The following P2RY14 variants were observed in gnomAD, a reference collection of about 807,000 sequenced individuals.
The protein encoded by P2RY14 is purinergic receptor P2Y14, also known as P2Y purinoceptor 14.
Under a neutral mutation model 0.9 loss-of-function variants are expected in P2RY14, and 2 were observed. That is an observed-to-expected ratio of 2.16 (90% CI 0.88 to 6.79). The LOEUF (loss-of-function observed/expected upper bound fraction) is 6.79, where lower values mean the gene tolerates loss of function less well. P2RY14 is among the 30% of genes most tolerant of loss of function. The probability of loss-of-function intolerance (pLI) is 0.05; values close to 1 mark genes in which losing one functional copy is unlikely to be tolerated. For missense variants in P2RY14, 378 were observed against 400.1 expected, an observed-to-expected ratio of 0.94 and a Z score of 0.47; for synonymous variants, 158 against 147.2, an observed-to-expected ratio of 1.07 and a Z score of -0.53.
intron 1 of P2RY14, among the ~76,000 whole-genome samples, chr3:151,224,725 C>T (rs1445265165): frequency 6.6e-6 from 1 of 152,202 alleles, no homozygotes; most frequent in African/African-American, 2.4e-5. Context: ...ACTCACCACA[C>T]TTCTCAGAAG....
At chr3:151,216,402 C>G (rs1728225469) in intron 2 of P2RY14, among the ~76,000 whole-genome samples, 1 of 152,116 alleles carries the variant, frequency 6.6e-6, no homozygotes, top group Non-Finnish European at 1.5e-5. Flanking sequence ...TTAAGCATGA[C>G]AAAGGGATAT....
Position 151,213,522 on chromosome 3 carries a change from G to T in P2RY14, c.795C>A (p.Tyr265Ter), listed in dbSNP as rs755518330. Residue 265 changes from tyrosine (Y) to a stop codon, truncating the protein, a stop_gained, in exon 3 of 3, where the codon TAC becomes TAA. Coordinates refer to ENST00000309170, the MANE Select transcript of P2RY14 (RefSeq NM_014879.4). LOFTEE classifies it high-confidence loss of function. ...GCAAGATTTCTTTTGACTGGCAGCTGTAATGAGCTTCGGTCTGACTCTTTG... is the reference window on the plus strand; with the variant it reads ...GCAAGATTTCTTTTGACTGGCAGCTTTAATGAGCTTCGGTCTGACTCTTTG... ...PYTKSQTEAH[Y>*]SCQSKEILRY... The T allele has an allele frequency of 2.5e-6, 4 of 1,614,146 alleles. No homozygotes were observed. The highest frequency in any genetic ancestry group is 2.5e-6 in the Non-Finnish European group (3 of 1,179,996).
At chr3:151,278,131 ATAGT>A (rs1028394701) in intron 1 of P2RY14, among the ~76,000 whole-genome samples, 152 bp downstream of exon 1, 1 of 152,228 alleles carries the variant, frequency 6.6e-6, no homozygotes, top group African/African-American at 2.4e-5. Context: ...TATACCAATT[ATAGT>A]TGTCAAACAA....
At chr3:151,247,568 CACA>C (rs1735859824) in intron 1 of P2RY14, among the ~76,000 whole-genome samples, 1 of 140,950 alleles carries the variant, frequency 7.1e-6, no homozygotes, top group Non-Finnish European at 1.5e-5. Context: ...ACAATGAGAT[CACA>C]TGGACACAGG....
At chr3:151,230,273 C>T (rs1037537874) in intron 1 of P2RY14, among the ~76,000 whole-genome samples, 3 of 152,322 alleles carry the variant, frequency 2.0e-5, no homozygotes, top group South Asian at 2.1e-4. Flanking sequence ...CGCACCCGGC[C>T]GGGATCTGTT....
At chr3:151,215,529 T>G (rs1209943710) in intron 2 of P2RY14, among the ~76,000 whole-genome samples, 2 of 152,258 alleles carry the variant, frequency 1.3e-5, no homozygotes, top group Non-Finnish European at 2.9e-5. Context: ...TTTCACATTA[T>G]GGTTTTATTG....
intron 1 of P2RY14, among the ~76,000 whole-genome samples, chr3:151,238,707 T>C (rs1733431018): frequency 6.6e-6 from 1 of 152,144 alleles, no homozygotes; most frequent in South Asian, 2.1e-4. Flanking sequence ...AAAAGAAAAA[T>C]CAGTTTTACC....
At chr3:151,224,577 C>T (rs1285929214) in intron 1 of P2RY14, among the ~76,000 whole-genome samples, 1 of 151,908 alleles carries the variant, frequency 6.6e-6, no homozygotes, top group African/African-American at 2.4e-5. Flanking sequence ...CATCTGTGTT[C>T]TGCATTCCTG....
chr3:151,263,713 A>G (rs1739314851), intron 1 of P2RY14, among the ~76,000 whole-genome samples: 1 of 152,148 alleles, frequency 6.6e-6, no homozygotes, highest in African/African-American at 2.4e-5. Flanking sequence ...AATGTAATAT[A>G]GAGATTAAGA....
chr3:151,277,767 T>C (rs1028050467), intron 1 of P2RY14, among the ~76,000 whole-genome samples: 4 of 152,240 alleles, frequency 2.6e-5, no homozygotes, highest in African/African-American at 9.6e-5. Context: ...AGGCATTTTA[T>C]TTTAGTAGGT....
At chr3:151,243,988 T>G (rs1734804051) in intron 1 of P2RY14, among the ~76,000 whole-genome samples, 1 of 140,934 alleles carries the variant, frequency 7.1e-6, no homozygotes, top group Non-Finnish European at 1.6e-5. Context: ...TAAAACAGAC[T>G]TTAAACCAAC....
At position 151,213,497 on chromosome 3, in the gene P2RY14, G is replaced by T. The variant is rs145589776; in HGVS notation, c.820C>A (p.Arg274=). 3.7e-6 allele frequency: 6 copies of T among 1,613,878 alleles called. No homozygotes were observed. Among genetic ancestry groups the T allele is most frequent in the Non-Finnish European group, 5.1e-6 (6 of 1,179,948 alleles). ...HYSCQSKEIL[R]YMKEFTLLLS... ...AGCAGAGTGAATTCTTTCATATACC[G>T]CAAGATTTCTTTTGACTGGCAGCTG... The change falls in exon 3 of 3, where the codon CGG becomes AGG. Residue 274 remains arginine, a synonymous_variant. Coordinates refer to ENST00000309170, the MANE Select transcript of P2RY14 (RefSeq NM_014879.4).
intron 1 of P2RY14, among the ~76,000 whole-genome samples, chr3:151,242,073 A>T (rs1272707360): frequency 1.3e-5 from 2 of 152,182 alleles, no homozygotes; most frequent in Non-Finnish European, 2.9e-5. Flanking sequence ...GACGGGCTTA[A>T]AAAACGGGGC....
chr3:151,220,252 T>G (rs912696922), intron 1 of P2RY14, among the ~76,000 whole-genome samples: 2 of 151,770 alleles, frequency 1.3e-5, no homozygotes, highest in African/African-American at 4.8e-5. Context: ...GTGTGGACTT[T>G]GCAGAGATAA....
intron 1 of P2RY14, among the ~76,000 whole-genome samples, chr3:151,275,678 A>G (rs1188764227): frequency 6.6e-6 from 1 of 152,172 alleles, no homozygotes; most frequent in African/African-American, 2.4e-5. Flanking sequence ...TAAGGGTGCT[A>G]GGGAGGAAAA....
At chr3:151,260,587 G>C (rs1577157502) in intron 1 of P2RY14, among the ~76,000 whole-genome samples, 1 of 152,084 alleles carries the variant, frequency 6.6e-6, no homozygotes, top group African/African-American at 2.4e-5. Flanking sequence ...CTGAACTCAA[G>C]TGATCCTCCT....
chr3:151,249,899 G>C (rs77089281), intron 1 of P2RY14, among the ~76,000 whole-genome samples: 1 of 152,074 alleles, frequency 6.6e-6, no homozygotes, highest in Non-Finnish European at 1.5e-5. Context: ...AATTCATCCA[G>C]TTTAGGGCCT....
intron 2 of P2RY14, among the ~76,000 whole-genome samples, chr3:151,215,566 G>A (rs930829845): frequency 6.6e-6 from 1 of 152,134 alleles, no homozygotes; most frequent in African/African-American, 2.4e-5. Context: ...GTGTTATCCA[G>A]AACTTCTATT....
chr3:151,228,554 C>A (rs1308123127), intron 1 of P2RY14, among the ~76,000 whole-genome samples: 1 of 152,190 alleles, frequency 6.6e-6, no homozygotes, highest in African/African-American at 2.4e-5. Flanking sequence ...CTCTGAGCTT[C>A]CTCCAGTATG....
Sources: gnomAD v4.1 joint callset for allele counts (sites outside exome capture counted in the v4.1 genomes callset) on GRCh38, gnomAD v4.1.1 for gene constraint, MANE v1.5 for transcripts, NCBI Gene and HGNC (gene_info 2026-07-23, HGNC 2026-07-21) for gene names.